BBS9: variants seen among roughly 807,000 people sequenced by gnomAD.
BBS9 encodes Bardet-Biedl syndrome 9.
In BBS9, 89 loss-of-function variants were observed where a neutral mutation model predicts 117.7. The observed-to-expected ratio is 0.76, with a 90% confidence interval of 0.64 to 0.90. The LOEUF is 0.90. Among genes scored for constraint, BBS9 ranks in the 40% least tolerant of loss-of-function variants. BBS9 has a pLI of 0.00. For synonymous variants in BBS9, 379 were observed against 370.9 expected (o/e 1.02, Z -0.25); for missense variants, 982 against 1,042.2 (o/e 0.94, Z 0.80).
In BBS9 at chr7:33,287,530, G is replaced by A. The variant is rs372984241; in HGVS notation, c.1016+13574G>A. On this transcript the variant is annotated intron_variant, in intron 9 of 22. Coordinates refer to ENST00000242067, the MANE Select transcript of BBS9 (RefSeq NM_198428.3). The stretch of plus-strand genomic sequence containing the variant: ...AAATTAAGTCTCACCTGATAAAATA[G>A]GTCTTTAACTCTAGGTTATCTGATC... Among the ~76,000 whole-genome samples the A allele has an allele frequency of 1.2e-4, 19 of 152,232 alleles. No individual in the cohort carries two copies. In the East Asian group the frequency reaches 2.9e-3, roughly 23 times the overall value.
chr7:33,463,112 CTT>C (rs938951856), intron 19 of BBS9, among the ~76,000 whole-genome samples: 1 of 152,032 alleles, frequency 6.6e-6, no homozygotes, highest in African/African-American at 2.4e-5. Context: ...TTTGCCAAGA[CTT>C]TTTAAAGGGA....
rs1434724719 is a variant in BBS9, at chr7:33,146,312, T to A, written c.60T>A (p.Phe20Leu). The A allele has an allele frequency of 1.9e-6, 3 of 1,614,178 alleles. No homozygotes were observed. The Admixed American group carries it at 5.0e-5, about 27-fold the overall frequency. Reference protein sequence around the residue: ...WSTILGDKEEFDQGCLCLANV... With the variant: ...WSTILGDKEELDQGCLCLANV... Reference sequence around the variant, plus strand: ...CTATTCTGGGAGATAAAGAAGAATTTGATCAAGGCTGTTTGTGTCTGGCTA... The same window carrying A: ...CTATTCTGGGAGATAAAGAAGAATTAGATCAAGGCTGTTTGTGTCTGGCTA... Residue 20 changes from phenylalanine to leucine, a missense_variant, in exon 2 of 23, where the codon TTT becomes TTA. By Grantham distance (22) the Phe-to-Leu change is conservative (BLOSUM62 0). Coordinates refer to ENST00000242067, the MANE Select transcript of BBS9 (RefSeq NM_198428.3).
chr7:33,577,039 C>G (rs1238784827), intron 21 of BBS9, among the ~76,000 whole-genome samples: 2 of 152,086 alleles, frequency 1.3e-5, no homozygotes, highest in Non-Finnish European at 2.9e-5. Context: ...CAACAAAAGC[C>G]AAAATAGACA....
chr7:33,531,041 TCAAGACCAGCCTGGC>T (rs1231832177), intron 20 of BBS9, among the ~76,000 whole-genome samples: 1 of 151,984 alleles, frequency 6.6e-6, no homozygotes, highest in Non-Finnish European at 1.5e-5. Context: ...GGTCAGGAGT[TCAAGACCAGCCTGGC>T]CAACACAGTG....
At chr7:33,362,323 A>G (rs946007713) in intron 16 of BBS9, among the ~76,000 whole-genome samples, 2 of 152,122 alleles carry the variant, frequency 1.3e-5, no homozygotes, top group Non-Finnish European at 2.9e-5. Context: ...TTACTGTTAC[A>G]TCTAAGAGAT....
intron 5 of BBS9, among the ~76,000 whole-genome samples, chr7:33,215,870 T>G (rs1401245312): frequency 6.6e-6 from 1 of 152,186 alleles, no homozygotes; most frequent in East Asian, 1.9e-4. Context: ...AGATTAAACA[T>G]GTAAAAATAT....
chr7:33,492,807 AGTGAGTGTGTGTGTGTGTGT>A (rs1482038970), intron 19 of BBS9, among the ~76,000 whole-genome samples: 1 of 88,254 alleles, frequency 1.1e-5, no homozygotes, highest in East Asian at 3.1e-4. Context: ...CTAGTATAGG[AGTGAGTGTGTGTGTGTGTGT>A]GTGTGTGTGT....
At chr7:33,401,359 G>A (rs1194160073) in intron 19 of BBS9, among the ~76,000 whole-genome samples, 1 of 152,186 alleles carries the variant, frequency 6.6e-6, no homozygotes, top group Non-Finnish European at 1.5e-5. Flanking sequence ...GAATCAAACT[G>A]TAGAATATTT....
chr7:33,486,001 A>G (rs1036265352), intron 19 of BBS9, among the ~76,000 whole-genome samples: 4 of 152,146 alleles, frequency 2.6e-5, no homozygotes, highest in Non-Finnish European at 5.9e-5. Flanking sequence ...CTGATTTCCT[A>G]ACTTTGGAAA....
chr7:33,236,559 A>G (rs1277095303), intron 5 of BBS9, among the ~76,000 whole-genome samples: 1 of 151,890 alleles, frequency 6.6e-6, no homozygotes, highest in Non-Finnish European at 1.5e-5. Flanking sequence ...ATATAAATCT[A>G]CCTCATCATT....
intron 6 of BBS9, among the ~76,000 whole-genome samples, chr7:33,260,222 G>A (rs940786234): frequency 2.6e-5 from 4 of 151,958 alleles, no homozygotes; most frequent in Non-Finnish European, 5.9e-5. Flanking sequence ...GGCTGGTTGC[G>A]AACTCCTGAG....
intron 19 of BBS9, among the ~76,000 whole-genome samples, chr7:33,392,675 CA>C (rs1452190583): frequency 6.6e-6 from 1 of 151,976 alleles, no homozygotes; most frequent in Non-Finnish European, 1.5e-5. Context: ...TTTAAACGAA[CA>C]GTTCTTTTTG....
At chr7:33,178,616 C>T (rs550928812) in intron 5 of BBS9, among the ~76,000 whole-genome samples, 8 of 152,302 alleles carry the variant, frequency 5.3e-5, no homozygotes, top group African/African-American at 1.7e-4. Context: ...ATCTATGTTC[C>T]TGTGCCACCT....
At chr7:33,561,362 G>A (rs1856059058) in intron 21 of BBS9, among the ~76,000 whole-genome samples, 1 of 152,180 alleles carries the variant, frequency 6.6e-6, no homozygotes, top group Non-Finnish European at 1.5e-5. Context: ...TGCAGGCCAT[G>A]ATGACAGTAT....
chr7:33,607,648 A>G (rs550279571), downstream of BBS9, among the ~76,000 whole-genome samples: 2 of 152,090 alleles, frequency 1.3e-5, no homozygotes, highest in South Asian at 2.1e-4. Context: ...TTCTTTAATT[A>G]TAGACAATTT....
chr7:33,390,058 T>G (rs1826792139), intron 19 of BBS9, among the ~76,000 whole-genome samples: 2 of 152,152 alleles, frequency 1.3e-5, no homozygotes, highest in Admixed American at 6.5e-5. Context: ...CTTTTCCTCT[T>G]TAGTACTCTT....
In BBS9 at chr7:33,357,862, G is replaced by A. The variant is rs779586578; in HGVS notation, c.1560G>A (p.Pro520=). ...RPTDRNPDGI[P]RVIQCKFRLP... is the part of the protein sequence containing the mutation. ...ATCTCTCTTTTATTTTAGGCATTCC[G>A]CGAGTTATCCAATGTAAATTTAGAC... Residue 520 remains proline (P), a synonymous_variant, in exon 16 of 23, where the codon CCG becomes CCA. Transcript: ENST00000242067. 26 of 1,611,532 alleles carry A rather than the reference G, an allele frequency of 1.6e-5. No homozygotes were observed. In the Admixed American group the frequency reaches 1.7e-4, roughly 10 times the overall value.
At chr7:33,376,557 C>G (rs536481252) in intron 17 of BBS9, among the ~76,000 whole-genome samples, 1 of 152,120 alleles carries the variant, frequency 6.6e-6, no homozygotes, top group South Asian at 2.1e-4. Context: ...TGGTATATAC[C>G]CAGTAATGGG....
chr7:33,152,829 G>T lies in BBS9; in HGVS notation c.241G>T (p.Val81Leu). ...EVDLRDPVLQ[V>L]EVGKFVSGTE... is the part of the protein sequence containing the mutation. ...GGATCTACGAGATCCAGTACTTCAA[G>T]TGGAAGTAGGAAAGTTTGTTTCGTA... The change falls in exon 3 of 23, where the codon GTG (valine) becomes TTG (leucine). Residue 81 changes from valine to leucine, a missense_variant. Val to Leu is a conservative substitution (Grantham distance 32). Transcript: ENST00000242067. The T allele has an allele frequency of 6.2e-7, 1 of 1,614,024 alleles. No individual in the cohort carries two copies. Among genetic ancestry groups the T allele is most frequent in the Non-Finnish European group, 8.5e-7 (1 of 1,179,956 alleles).
Sources: allele counts gnomAD v4.1 joint callset (sites outside exome capture counted in the v4.1 genomes callset), GRCh38; gene constraint gnomAD v4.1.1; transcripts MANE v1.5; gene names NCBI Gene and HGNC (gene_info 2026-07-23, HGNC 2026-07-21).